The following PRKAR1B variants were observed in gnomAD, a reference collection of about 807,000 sequenced individuals.
PRKAR1B encodes the protein protein kinase cAMP-dependent type I regulatory subunit beta, also known as cAMP-dependent protein kinase type I-beta regulatory subunit.
Under a neutral mutation model 46.5 loss-of-function variants are expected in PRKAR1B, and 22 were observed. That is an observed-to-expected ratio of 0.47 (90% CI 0.34 to 0.68). The LOEUF (loss-of-function observed/expected upper bound fraction) is 0.68. Among genes scored for constraint, PRKAR1B ranks in the 30% least tolerant of loss-of-function variants. The pLI, the probability that PRKAR1B is intolerant of heterozygous loss-of-function variation, is 0.01. For missense variants in PRKAR1B, 445 were observed against 535.6 expected (o/e 0.83, Z 1.67); for synonymous variants, 259 against 217.7 (o/e 1.19, Z -1.67).
intron 7 of PRKAR1B, among the ~76,000 whole-genome samples, chr7:588,595 C>CGGTGGTGATGGTGATGGTGATGGTGAT (rs1780753336): frequency 4.2e-5 from 1 of 24,046 alleles, no homozygotes; most frequent in African/African-American, 1.8e-4. Context: ...GTGGTGATGA[C>CGGTGGTGATGGTGATGGTGATGGTGAT]GGTGGTGATG....
At position 688,815 on chromosome 7, in the gene PRKAR1B, C is replaced by G. The variant is rs113706031; in HGVS notation, c.178-8089G>C. ...CTATCTGACGTATTTTGCGTCTTAA[C>G]CATGGTTATTGTCTGTCTCCCTCAC... On this transcript the variant is annotated intron_variant, in intron 2 of 10. Coordinates refer to ENST00000537384, the MANE Select transcript of PRKAR1B (RefSeq NM_001164760.2). 2.1e-3 allele frequency among the ~76,000 whole-genome samples: 313 copies of G among 152,334 alleles called. 1 individual carries two copies. The highest frequency in any genetic ancestry group is 7.3e-3 in the African/African-American group (302 of 41,586).
intron 1 of PRKAR1B, among the ~76,000 whole-genome samples, chr7:721,894 A>G (rs2128535287): frequency 6.6e-6 from 1 of 152,186 alleles, no homozygotes; most frequent in Admixed American, 6.5e-5. Context: ...ATCTGCCTTC[A>G]TTCAAACTGG....
rs1781657649 is a variant in PRKAR1B, at chr7:602,211, C to A, written c.549+3982G>T. 6.6e-6 allele frequency among the ~76,000 whole-genome samples: 1 copy of A among 152,090 alleles called. No individual in the cohort carries two copies. The highest frequency in any genetic ancestry group is 2.4e-5 in the African/African-American group (1 of 41,426). On this transcript the variant is annotated intron_variant, in intron 6 of 10. Transcript: ENST00000537384. This position sits in a 1 kb window ranked among gnomAD's most constrained non-coding sequence, Gnocchi z 6.4. ...GAGCTCAGGGCTGGAGGAAACGGTC[C>A]CTGCTTTGAAGTGGCTCCGGCACCG...
In PRKAR1B at chr7:557,115, G is replaced by A. The variant is rs189468299; in HGVS notation, c.892-5645C>T. ...GGGGAGGAACTGGGAGGAGGGGAGC[G>A]CGGTCTCCTCAGCGGAGTCTGGTGG... On this transcript the variant is annotated intron_variant, in intron 9 of 10. Coordinates refer to ENST00000537384, the MANE Select transcript of PRKAR1B (RefSeq NM_001164760.2). 2.6e-3 allele frequency among the ~76,000 whole-genome samples: 393 copies of A among 152,314 alleles called. 2 individuals are homozygous for A. Among genetic ancestry groups the A allele is most frequent in the African/African-American group, 8.6e-3 (359 of 41,568 alleles).
intron 9 of PRKAR1B, among the ~76,000 whole-genome samples, chr7:565,912 T>C (rs759607598): frequency 2.0e-5 from 3 of 152,196 alleles, no homozygotes; most frequent in Non-Finnish European, 2.9e-5. Flanking sequence ...GGCAAGGATG[T>C]GGGTACCCCC....
At chr7:690,210 C>T (rs943287339) in intron 2 of PRKAR1B, among the ~76,000 whole-genome samples, 3 of 151,792 alleles carry the variant, frequency 2.0e-5, no homozygotes, top group Non-Finnish European at 2.9e-5. Flanking sequence ...GCAGGAGAAT[C>T]GCTTGAACCC....
chr7:612,492 T>C (rs1053764900), intron 4 of PRKAR1B, among the ~76,000 whole-genome samples: 2 of 149,796 alleles, frequency 1.3e-5, no homozygotes, highest in African/African-American at 2.5e-5. Flanking sequence ...GGATGGATGA[T>C]AGATGGATGG....
At chr7:680,333 A>G (rs1185783788) in intron 3 of PRKAR1B, among the ~76,000 whole-genome samples, 1 of 152,070 alleles carries the variant, frequency 6.6e-6, no homozygotes, top group African/African-American at 2.4e-5. Flanking sequence ...CCCCACACAG[A>G]GCTGCTCCCA....
At chr7:566,439 C>T (rs1364562918) in intron 9 of PRKAR1B, among the ~76,000 whole-genome samples, 1 of 148,368 alleles carries the variant, frequency 6.7e-6, no homozygotes, top group African/African-American at 2.5e-5. Context: ...CCATCACCAT[C>T]ACCACAACCA....
chr7:707,476 A>C (rs1418804357), intron 2 of PRKAR1B, among the ~76,000 whole-genome samples: 1 of 152,120 alleles, frequency 6.6e-6, no homozygotes, highest in Non-Finnish European at 1.5e-5. Flanking sequence ...GCCTGAGAAA[A>C]ATTGCCCTGC....
At chr7:551,245 G>C in intron 10 of PRKAR1B, 144 bp downstream of exon 10, 2 of 775,260 alleles carry the variant, frequency 2.6e-6, no homozygotes, top group Non-Finnish European at 4.2e-6. Context: ...TGAGCCTTCT[G>C]TTGCAGCCAC....
intron 8 of PRKAR1B, among the ~76,000 whole-genome samples, chr7:583,628 A>AC (rs1234978369): frequency 4.7e-5 from 6 of 127,762 alleles, no homozygotes; most frequent in Non-Finnish European, 9.8e-5. Context: ...GCACACTCAA[A>AC]CCCCCACACT....
intron 4 of PRKAR1B, among the ~76,000 whole-genome samples, chr7:676,118 C>T (rs977662517): frequency 1.3e-5 from 2 of 152,168 alleles, no homozygotes; most frequent in Admixed American, 6.5e-5. Flanking sequence ...CTGTTACCGA[C>T]GGGATCTGTG....
intron 9 of PRKAR1B, among the ~76,000 whole-genome samples, chr7:558,852 T>G (rs1425342400): frequency 6.6e-6 from 1 of 152,320 alleles, no homozygotes; most frequent in South Asian, 2.1e-4. Context: ...CAGCCTCCCT[T>G]GCCCGGCCGT....
intron 4 of PRKAR1B, among the ~76,000 whole-genome samples, chr7:620,537 AT>A (rs1468592473): frequency 6.6e-6 from 1 of 152,062 alleles, no homozygotes; most frequent in African/African-American, 2.4e-5. Context: ...CAGATTTAAT[AT>A]CTTCATTGTG....
intron 8 of PRKAR1B, among the ~76,000 whole-genome samples, chr7:583,537 A>T (rs9691871): frequency 0.071 from 4,348 of 61,182 alleles, 160 homozygotes; most frequent in Non-Finnish European, 0.095. Flanking sequence ...ACACCCACTC[A>T]CACACGTGCC....
chr7:626,978 G>A (rs1335987367), intron 4 of PRKAR1B, among the ~76,000 whole-genome samples: 3 of 152,130 alleles, frequency 2.0e-5, no homozygotes, highest in Non-Finnish European at 4.4e-5. Context: ...GGGTTCAAGC[G>A]ATTCTCTTGC....
intron 1 of PRKAR1B, among the ~76,000 whole-genome samples, chr7:721,486 TA>T (rs1273380633): frequency 6.6e-6 from 1 of 152,062 alleles, no homozygotes; most frequent in East Asian, 1.9e-4. Context: ...CTGTCTCTAC[TA>T]AAAATAAAAA....
chr7:590,611 C>G (rs1780919299), intron 7 of PRKAR1B, among the ~76,000 whole-genome samples: 1 of 152,200 alleles, frequency 6.6e-6, no homozygotes, highest in Non-Finnish European at 1.5e-5. Context: ...ATACCCAGGT[C>G]TCAGTTTCTC....
Sources: gnomAD v4.1 joint callset for allele counts (sites outside exome capture counted in the v4.1 genomes callset) on GRCh38, gnomAD v4.1.1 for gene constraint, Gnocchi (gnomAD v3.1) non-coding constraint, MANE v1.5 for transcripts, NCBI Gene and HGNC (gene_info 2026-07-23, HGNC 2026-07-21) for gene names.